VEGFC: variants seen among roughly 807,000 people sequenced by gnomAD.
VEGFC encodes vascular endothelial growth factor C, also known as FLT4 ligand DHM.
In VEGFC, 12 loss-of-function variants were observed where a neutral mutation model predicts 46.1. The ratio of observed to expected loss-of-function variants is 0.26; its 90% CI spans 0.17 to 0.42. The LOEUF (loss-of-function observed/expected upper bound fraction) is 0.42, where lower values mean the gene tolerates loss of function less well. Ranked by LOEUF, VEGFC falls within the 10% of genes least tolerant of loss-of-function variation. The pLI is 1.00. For synonymous variants in VEGFC, 232 were observed against 195.5 expected (o/e 1.19, Z -1.56); for missense variants, 488 against 529.4 (o/e 0.92, Z 0.77).
At chr4:176,778,620 A>C (rs1269935016) in intron 1 of VEGFC, among the ~76,000 whole-genome samples, 1 of 152,188 alleles carries the variant, frequency 6.6e-6, no homozygotes, top group Non-Finnish European at 1.5e-5. Flanking sequence ...CTCTGATGGC[A>C]AGTTATTTTG....
In VEGFC at chr4:176,729,090, G is replaced by A. The variant is rs147639526; in HGVS notation, c.361+443C>T. Among the ~76,000 whole-genome samples the A allele has an allele frequency of 2.4e-3, 365 of 152,216 alleles. 3 individuals are homozygous for A. The highest frequency in any genetic ancestry group is 8.3e-3 in the African/African-American group (344 of 41,544). On this transcript the variant is annotated intron_variant, in intron 2 of 6. Transcript: ENST00000618562. ...TAGATACCTCATCAGCTTAAGTCCC[G>A]CTCTGAGCCAGTTATCTGTGAAGCA...
intron 4 of VEGFC, among the ~76,000 whole-genome samples, chr4:176,697,862 ATT>A (rs1734349735): frequency 6.7e-6 from 1 of 150,358 alleles, no homozygotes; most frequent in Non-Finnish European, 1.5e-5. Flanking sequence ...GGAAGTCATC[ATT>A]CTCAGTAAAC....
chr4:176,700,159 G>A lies in VEGFC; in HGVS notation c.704+11340C>T, dbSNP rs191116256. 3.9e-5 allele frequency among the ~76,000 whole-genome samples: 6 copies of A among 152,338 alleles called. No homozygotes were observed. The South Asian group carries it at 1.0e-3, about 26-fold the overall frequency. ...AGGCTGGGCACGGTGGCTTACGCCT[G>A]TAATCCCAGCATTTTGGGAGGTCGA... On this transcript the variant is annotated intron_variant, in intron 4 of 6. Transcript: ENST00000618562.
At chr4:176,722,316 T>A (rs1468898067) in intron 3 of VEGFC, among the ~76,000 whole-genome samples, 3 of 151,572 alleles carry the variant, frequency 2.0e-5, no homozygotes, top group Admixed American at 1.3e-4. Context: ...GTGAAAGAGA[T>A]GAAATACAGC....
At chr4:176,713,849 G>T (rs967565744) in intron 3 of VEGFC, among the ~76,000 whole-genome samples, 24 of 152,114 alleles carry the variant, frequency 1.6e-4, no homozygotes, top group African/African-American at 5.6e-4. Context: ...AGAGAAAGAG[G>T]GGAGAGCTTC....
chr4:176,684,405 C>G (rs1188942275), intron 6 of VEGFC, among the ~76,000 whole-genome samples: 1 of 152,158 alleles, frequency 6.6e-6, no homozygotes, highest in East Asian at 1.9e-4. Context: ...TGGCAGAATT[C>G]ACATGAGTCT....
At chr4:176,730,789 C>G (rs1202150421) in intron 1 of VEGFC, among the ~76,000 whole-genome samples, 1 of 151,998 alleles carries the variant, frequency 6.6e-6, no homozygotes, top group Non-Finnish European at 1.5e-5. Flanking sequence ...AAATTGAAAT[C>G]TTATTTAATC....
chr4:176,759,747 AT>A (rs1735496401), intron 1 of VEGFC, among the ~76,000 whole-genome samples: 1 of 151,912 alleles, frequency 6.6e-6, no homozygotes. Context: ...GTAAAAAAAA[AT>A]AAAATAATTT....
rs1733985982 is a variant in VEGFC at position 176,683,844 on chromosome 4, G to T, written c.*82C>A. 3 of 1,134,590 alleles carry T rather than the reference G, an allele frequency of 2.6e-6. No individual in the cohort carries two copies. The highest frequency in any genetic ancestry group is 4.0e-6 in the Non-Finnish European group (3 of 751,654). The allele number at this position is 1,134,590 out of a possible 1,614,324, so 70.3% of individuals were successfully genotyped here. ...TCTTTGTTAGCATGGACCCACAAGG[G>T]TCTCTCTGTTCACAGACAGTTCTAC... On this transcript the variant is annotated 3_prime_UTR_variant, in exon 7 of 7. Coordinates refer to ENST00000618562, the MANE Select transcript of VEGFC (RefSeq NM_005429.5).
At chr4:176,759,609 A>C (rs1438650147) in intron 1 of VEGFC, among the ~76,000 whole-genome samples, 1 of 152,138 alleles carries the variant, frequency 6.6e-6, no homozygotes, top group Admixed American at 6.6e-5. Context: ...TCATCACAAA[A>C]AATGATAAGT....
At chr4:176,769,089 C>T (rs1202854795) in intron 1 of VEGFC, among the ~76,000 whole-genome samples, 1 of 152,152 alleles carries the variant, frequency 6.6e-6, no homozygotes, top group Non-Finnish European at 1.5e-5. Context: ...GGAGAGCCTG[C>T]TTCCTCCTTA....
chr4:176,688,397 T>G (rs1015273079), intron 4 of VEGFC, among the ~76,000 whole-genome samples: 3 of 152,174 alleles, frequency 2.0e-5, no homozygotes, highest in African/African-American at 7.2e-5. Flanking sequence ...TCTACATCAC[T>G]TTGATTTTGG....
intron 1 of VEGFC, among the ~76,000 whole-genome samples, chr4:176,759,344 T>C (rs185146995): frequency 5.3e-5 from 8 of 152,264 alleles, no homozygotes; most frequent in Admixed American, 3.3e-4. Context: ...AAGGGCATTA[T>C]GCTTAGCAAT....
chr4:176,684,196 T>C (rs45490591), intron 6 of VEGFC, among the ~76,000 whole-genome samples, 156 bp from the exon 7 acceptor site: 2,185 of 152,354 alleles, frequency 0.014, 40 homozygotes, highest in Middle Eastern at 0.061. Context: ...TTGTTTCTGC[T>C]TAGAATTACA....
chr4:176,695,738 C>T (rs1023127632), intron 4 of VEGFC, among the ~76,000 whole-genome samples: 20 of 152,008 alleles, frequency 1.3e-4, no homozygotes, highest in Non-Finnish European at 2.4e-4. Flanking sequence ...CAATAAAATA[C>T]TGGCAAAACG....
intron 1 of VEGFC, among the ~76,000 whole-genome samples, chr4:176,769,455 A>C (rs953265448): frequency 6.6e-6 from 1 of 152,190 alleles, no homozygotes; most frequent in African/African-American, 2.4e-5. Context: ...TGTTGGCTTT[A>C]GCAACATGGA....
chr4:176,722,808 C>A (rs1734811709), intron 3 of VEGFC, among the ~76,000 whole-genome samples: 1 of 152,008 alleles, frequency 6.6e-6, no homozygotes, highest in Non-Finnish European at 1.5e-5. Flanking sequence ...CGAAGCCTTG[C>A]AATTTCTAAA....
chr4:176,716,584 G>GAAAAAAAAAAAAAAAAAAAA (rs57274087), intron 3 of VEGFC, among the ~76,000 whole-genome samples: 23 of 43,762 alleles, frequency 5.3e-4, no homozygotes, highest in African/African-American at 1.8e-3. Context: ...CTCCCTCTCC[G>GAAAAAAAAAAAAAAAAAAAA]AAAAAAAAAA....
chr4:176,692,811 C>G (rs1046069240), intron 4 of VEGFC, among the ~76,000 whole-genome samples: 2 of 145,462 alleles, frequency 1.4e-5, no homozygotes, highest in African/African-American at 5.4e-5. Context: ...TCAAGTGGGT[C>G]CCTGACCCCT....
Sources: allele counts gnomAD v4.1 joint callset (sites outside exome capture counted in the v4.1 genomes callset), GRCh38; gene constraint gnomAD v4.1.1; transcripts MANE v1.5; gene names NCBI Gene and HGNC (gene_info 2026-07-23, HGNC 2026-07-21).